LARP4B: variants seen among roughly 807,000 people sequenced by gnomAD.
The protein encoded by LARP4B is La ribonucleoprotein 4B.
A neutral mutation model predicts 89.8 loss-of-function variants in LARP4B; 12 were observed. The ratio of observed to expected loss-of-function variants is 0.13; its 90% CI spans 0.09 to 0.22. LARP4B has a LOEUF of 0.22. LARP4B is among the 10% of genes least tolerant of loss of function. The pLI is 1.00. For synonymous variants in LARP4B, 367 were observed against 363.3 expected (o/e 1.01, Z -0.12); for missense variants, 757 against 947.7 (o/e 0.80, Z 2.64).
At chr10:879,772 C>A (rs55708963) in intron 3 of LARP4B, among the ~76,000 whole-genome samples, 16,770 of 151,700 alleles carry the variant, frequency 0.11, 1,170 homozygotes, top group Non-Finnish European at 0.16. Context: ...CCGGCCAAGT[C>A]TTTTCTTTTC....
chr10:918,541 G>A (rs1836889067), intron 1 of LARP4B, among the ~76,000 whole-genome samples: 1 of 151,328 alleles, frequency 6.6e-6, no homozygotes, highest in Non-Finnish European at 1.5e-5. Flanking sequence ...GGCTGAGGAG[G>A]GAGGACCGCT....
At chr10:930,992 C>T (rs1187403173) in intron 1 of LARP4B, among the ~76,000 whole-genome samples, 1 of 150,478 alleles carries the variant, frequency 6.6e-6, no homozygotes, top group African/African-American at 2.4e-5. Flanking sequence ...CTGCCCGACC[C>T]CCGTCCTCGC....
chr10:836,556 T>C (rs1374318739), intron 7 of LARP4B, 50 bp from the exon 8 acceptor site: 1 of 1,172,414 alleles, frequency 8.5e-7, no homozygotes, highest in African/African-American at 1.5e-5. Flanking sequence ...TAAAATATGA[T>C]ATGCCAGTGG....
chr10:977,142 A>AT, the LARP4B span, among the ~76,000 whole-genome samples: 6 of 151,850 alleles, frequency 4.0e-5, no homozygotes, highest in African/African-American at 1.5e-4. Context: ...AATTTATTTT[A>AT]TTTATTTATT....
At chr10:927,945 G>A (rs763519270) in intron 1 of LARP4B, among the ~76,000 whole-genome samples, 3 of 152,116 alleles carry the variant, frequency 2.0e-5, no homozygotes, top group Non-Finnish European at 4.4e-5. Context: ...GTACGCCGTG[G>A]CTCACGCCTG....
intron 5 of LARP4B, 87 bp downstream of exon 5, chr10:863,656 G>A (rs1834743259): frequency 2.2e-6 from 3 of 1,343,546 alleles, no homozygotes; most frequent in South Asian, 3.0e-5. Context: ...AAGACCCATT[G>A]TGTAGAGAAT....
At chr10:882,132 T>C (rs995808128) in intron 3 of LARP4B, among the ~76,000 whole-genome samples, 1 of 152,182 alleles carries the variant, frequency 6.6e-6, no homozygotes, top group African/African-American at 2.4e-5. Flanking sequence ...AATGGGGTAA[T>C]GTAAAAGTTC....
chr10:863,620 A>C (rs1208223164), intron 5 of LARP4B, 123 bp downstream of exon 5: 11 of 1,094,396 alleles, frequency 1.0e-5, no homozygotes, highest in Non-Finnish European at 1.3e-5. Context: ...GGGTGAGTTT[A>C]AAGTAGAATT....
chr10:813,225 C>G lies in LARP4B; in HGVS notation c.1930-12G>C. ...GGCTTTCGCAATTCCTGGAAACAGA[C>G]AATCCTGGGTTACCTGTGTGAAATG... On this transcript the variant is annotated splice_polypyrimidine_tract_variant and intron_variant, in intron 17 of 17. Transcript: ENST00000316157. 1 of 1,601,082 alleles carries G rather than the reference C, an allele frequency of 6.2e-7. No homozygotes were observed. Among genetic ancestry groups the G allele is most frequent in the Non-Finnish European group, 8.5e-7 (1 of 1,174,332 alleles).
chr10:954,635 C>T, the LARP4B span, among the ~76,000 whole-genome samples: 2 of 152,136 alleles, frequency 1.3e-5, no homozygotes, highest in African/African-American at 4.8e-5. This position sits in a 1 kb window ranked among gnomAD's most constrained non-coding sequence, Gnocchi z 5.0. Context: ...AAATGGGACC[C>T]GTGGGTCTGG....
intron 13 of LARP4B, 151 bp from the exon 14 acceptor site, chr10:820,996 C>T (rs1457780195): frequency 4.4e-6 from 3 of 674,186 alleles, no homozygotes; most frequent in South Asian, 1.9e-5. Context: ...TCTAAAATCC[C>T]AACTTCAGGA....
the LARP4B span, among the ~76,000 whole-genome samples, chr10:969,883 G>T: frequency 6.6e-6 from 1 of 152,184 alleles, no homozygotes; most frequent in Non-Finnish European, 1.5e-5. Context: ...TGACCTGCAT[G>T]CCCACATGGA....
At chr10:884,346 C>T in intron 3 of LARP4B, 101 bp downstream of exon 3, 1 of 872,068 alleles carries the variant, frequency 1.1e-6, no homozygotes, top group Non-Finnish European at 1.9e-6. Context: ...GAAATATCTA[C>T]ATTTTCTAAT....
intron 5 of LARP4B, among the ~76,000 whole-genome samples, chr10:862,279 A>AAAAACAAC (rs749904539): frequency 7.1e-6 from 1 of 140,408 alleles, no homozygotes; most frequent in African/African-American, 2.6e-5. Context: ...AAAAAAAAAA[A>AAAAACAAC]AACAACCGTC....
rs117182925 is a variant in LARP4B, at chr10:834,781, A to C, written c.750+1622T>G. Among the ~76,000 whole-genome samples the C allele has an allele frequency of 7.1e-3, 1,077 of 152,348 alleles. 8 individuals are homozygous for C. The highest frequency in any genetic ancestry group is 0.011 in the Non-Finnish European group (771 of 68,028). ...TTGGTTAAAGTTTTACAAACATTTC[A>C]AGTCTTAAAAATTAGGATCTATGTT... On this transcript the variant is annotated intron_variant, in intron 8 of 17. Coordinates refer to ENST00000316157, the MANE Select transcript of LARP4B (RefSeq NM_015155.3).
intron 5 of LARP4B, among the ~76,000 whole-genome samples, chr10:859,767 A>T (rs184737358): frequency 1.8e-4 from 27 of 152,088 alleles, no homozygotes; most frequent in Admixed American, 5.2e-4. Context: ...AATGAAAGAA[A>T]CCTATCTAAG....
chr10:903,987 C>T (rs532774522), intron 1 of LARP4B, among the ~76,000 whole-genome samples: 99 of 152,096 alleles, frequency 6.5e-4, no homozygotes, highest in Non-Finnish European at 3.1e-4. Context: ...AAAACCTTGA[C>T]ACGCAACACT....
chr10:897,751 G>T (rs550886199), intron 1 of LARP4B, among the ~76,000 whole-genome samples: 130 of 151,998 alleles, frequency 8.6e-4, no homozygotes, highest in Non-Finnish European at 1.5e-3. Flanking sequence ...ACTTTCCGAG[G>T]CCGAAGCAGG....
At chr10:862,256 TAAAA>T (rs10661482) in intron 5 of LARP4B, among the ~76,000 whole-genome samples, 3 of 84,412 alleles carry the variant, frequency 3.6e-5, no homozygotes, top group Admixed American at 1.4e-4. Flanking sequence ...CCACTGAAGT[TAAAA>T]AAAAAAAAAA....
Sources: allele counts gnomAD v4.1 joint callset (sites outside exome capture counted in the v4.1 genomes callset), GRCh38; gene constraint gnomAD v4.1.1; non-coding constraint Gnocchi (gnomAD v3.1); transcripts MANE v1.5; gene names NCBI Gene and HGNC (gene_info 2026-07-23, HGNC 2026-07-21).